ARHGAP15: variants seen among roughly 807,000 people sequenced by gnomAD.
ARHGAP15 encodes rho GTPase-activating protein 15.
A neutral mutation model predicts 63.7 loss-of-function variants in ARHGAP15; 51 were observed. The observed-to-expected ratio is 0.80, with a 90% CI of 0.64 to 1.01. The LOEUF is 1.01. Ranked by LOEUF, ARHGAP15 falls within the 50% of genes least tolerant of loss-of-function variation. ARHGAP15 has a pLI of 0.00. For synonymous variants in ARHGAP15, 191 were observed against 193.8 expected (o/e 0.99, Z 0.12); for missense variants, 560 against 564.6 (o/e 0.99, Z 0.08).
chr2:143,443,248 C>A (rs775435340), intron 8 of ARHGAP15, among the ~76,000 whole-genome samples: 1 of 152,030 alleles, frequency 6.6e-6, no homozygotes. Context: ...GATGAACAAA[C>A]CATCTGCCAA....
At position 143,330,104 on chromosome 2, in the gene ARHGAP15, A is replaced by AAAAAAAAAAAAAAAAC. The variant is rs1684451472; in HGVS notation, c.474+79519_474+79520insCAAAAAAAAAAAAAAA. ...AGCAAGGCTCTGTCTCAAAAAAAAA[A>AAAAAAAAAAAAAAAAC]AAAAAAAAAAAAAAAAAAAAAAAAA... On this transcript the variant is annotated intron_variant, in intron 6 of 13. Coordinates refer to ENST00000295095, the MANE Select transcript of ARHGAP15 (RefSeq NM_018460.4). Among the ~76,000 whole-genome samples the AAAAAAAAAAAAAAAAC allele has an allele frequency of 2.5e-5, 2 of 78,526 alleles. 1 individual carries two copies. 51.5% of individuals were successfully genotyped at this position (78,526 alleles called of 152,430 possible).
In ARHGAP15 at chr2:143,155,632, G is replaced by A. The variant is rs759344166; in HGVS notation, c.142G>A (p.Asp48Asn). The part of the protein sequence containing the change: ...LSQSKSMILT[D>N]VGKVTEPISR... ...CCAAAGTAAATCCATGATCCTCACC[G>A]ATGTCGGGAAGGTCACTGAACCTGT... Residue 48 changes from aspartate to asparagine, a missense_variant, in exon 2 of 14, where the codon GAT becomes AAT. Asp to Asn is a conservative substitution (Grantham distance 23, BLOSUM62 1). Transcript: ENST00000295095. 20 of 1,578,926 alleles carry A rather than the reference G, an allele frequency of 1.3e-5. No homozygotes were observed. The highest frequency in any genetic ancestry group is 7.7e-5 in the Admixed American group (4 of 51,710).
At chr2:143,590,020 CAGTGAAGATAGTA>C (rs1697260650) in intron 11 of ARHGAP15, among the ~76,000 whole-genome samples, 1 of 152,044 alleles carries the variant, frequency 6.6e-6, no homozygotes, top group East Asian at 1.9e-4. Context: ...AGAAAAATAT[CAGTGAAGATAGTA>C]AGGATTAAAA....
rs138650667 is a variant in ARHGAP15 at position 143,447,329 on chromosome 2, G to A, written c.703+10287G>A. ...ATTAGAATCAACTCAGTGTCATGAA[G>A]CATCTGGTGATAAAAAGATGGGTTT... On this transcript the variant is annotated intron_variant, in intron 8 of 13. Coordinates refer to ENST00000295095, the MANE Select transcript of ARHGAP15 (RefSeq NM_018460.4). 8.5e-5 allele frequency among the ~76,000 whole-genome samples: 13 copies of A among 152,270 alleles called. No homozygotes were observed. The East Asian group carries it at 2.3e-3, about 27-fold the overall frequency.
chr2:143,436,362 T>C (rs55917155), intron 7 of ARHGAP15, among the ~76,000 whole-genome samples: 16,545 of 152,234 alleles, frequency 0.11, 1,233 homozygotes, highest in African/African-American at 0.21. Context: ...TGTGTGATTT[T>C]CTTGATACTT....
At chr2:143,661,875 GGC>G (rs759780302) in intron 12 of ARHGAP15, among the ~76,000 whole-genome samples, 1 of 152,216 alleles carries the variant, frequency 6.6e-6, no homozygotes, top group Non-Finnish European at 1.5e-5. Context: ...CTTAAAAAAT[GGC>G]GCACCACGAG....
At chr2:143,309,028 G>A (rs78787768) in intron 6 of ARHGAP15, among the ~76,000 whole-genome samples, 1 of 147,632 alleles carries the variant, frequency 6.8e-6, no homozygotes, top group African/African-American at 2.5e-5. Flanking sequence ...ATCTCATATT[G>A]TTCTTTGTGT....
intron 6 of ARHGAP15, among the ~76,000 whole-genome samples, chr2:143,368,439 T>C (rs1316169621): frequency 6.6e-6 from 1 of 151,978 alleles, no homozygotes; most frequent in Non-Finnish European, 1.5e-5. Context: ...AAATAAAATA[T>C]CAGCATATCT....
intron 6 of ARHGAP15, among the ~76,000 whole-genome samples, chr2:143,257,042 T>G (rs1193359651): frequency 6.6e-6 from 1 of 152,134 alleles, no homozygotes; most frequent in Non-Finnish European, 1.5e-5. Flanking sequence ...TAAAACTTTT[T>G]TAAAAAATAT....
intron 8 of ARHGAP15, among the ~76,000 whole-genome samples, chr2:143,474,104 G>A (rs1446518884): frequency 1.3e-5 from 2 of 152,052 alleles, no homozygotes; most frequent in Non-Finnish European, 2.9e-5. Flanking sequence ...TATCCAGCAG[G>A]CACTCTTCTC....
At chr2:143,312,085 AACTAAGCTAATGAAC>A (rs1390558111) in intron 6 of ARHGAP15, among the ~76,000 whole-genome samples, 2 of 152,162 alleles carry the variant, frequency 1.3e-5, no homozygotes, top group Non-Finnish European at 2.9e-5. Flanking sequence ...GAGGAAACAA[AACTAAGCTAATGAAC>A]AAAAGATTTC....
At position 143,216,670 on chromosome 2, in the gene ARHGAP15, T is replaced by C. The variant is rs1446553963; in HGVS notation, c.296+225T>C. On this transcript the variant is annotated intron_variant, in intron 4 of 13. Coordinates refer to ENST00000295095, the MANE Select transcript of ARHGAP15 (RefSeq NM_018460.4). ...GAACACATAAATGAGATGCTTTTTG[T>C]CCTCCTTGGACTTGAACTCATAAAA... Among the ~76,000 whole-genome samples, 5 of 152,304 alleles carry C rather than the reference T, an allele frequency of 3.3e-5. No homozygotes were observed. The East Asian group carries it at 9.6e-4, about 29-fold the overall frequency.
intron 6 of ARHGAP15, among the ~76,000 whole-genome samples, chr2:143,355,360 C>T (rs2105323477): frequency 6.6e-6 from 1 of 152,162 alleles, no homozygotes; most frequent in Non-Finnish European, 1.5e-5. Flanking sequence ...AAAAATGTTT[C>T]TTGTCGGTGA....
At chr2:143,209,717 G>A (rs1692494535) in intron 3 of ARHGAP15, among the ~76,000 whole-genome samples, 1 of 152,056 alleles carries the variant, frequency 6.6e-6, no homozygotes, top group Non-Finnish European at 1.5e-5. Context: ...CAAGTGCAAG[G>A]GTCGCCAGGT....
intron 11 of ARHGAP15, chr2:143,606,797 C>T (rs1574700423): frequency 6.6e-6 from 1 of 152,142 alleles, no homozygotes; most frequent in African/African-American, 2.4e-5. Context: ...GTATGAGAAG[C>T]CAAAGGACCT....
At chr2:143,533,720 G>A (rs1007699113) in intron 10 of ARHGAP15, among the ~76,000 whole-genome samples, 1 of 152,162 alleles carries the variant, frequency 6.6e-6, no homozygotes, top group African/African-American at 2.4e-5. Flanking sequence ...CTCTCAAGGG[G>A]TTTTGACTGT....
intron 12 of ARHGAP15, among the ~76,000 whole-genome samples, chr2:143,659,519 G>T (rs1040693766): frequency 8.5e-5 from 13 of 152,098 alleles, no homozygotes; most frequent in African/African-American, 3.1e-4. Flanking sequence ...GTGATTTCCT[G>T]GGTCAGCCAG....
At chr2:143,367,521 T>C (rs1165090418) in intron 6 of ARHGAP15, among the ~76,000 whole-genome samples, 1 of 152,080 alleles carries the variant, frequency 6.6e-6, no homozygotes, top group Non-Finnish European at 1.5e-5. Flanking sequence ...ATTGGCTCCA[T>C]TTTTATTTCC....
At chr2:143,176,422 A>G (rs895984310) in intron 2 of ARHGAP15, among the ~76,000 whole-genome samples, 2 of 152,174 alleles carry the variant, frequency 1.3e-5, no homozygotes, top group Admixed American at 1.3e-4. Context: ...TATGCAGAAG[A>G]CATGCTATGA....
Sources: gnomAD v4.1 joint callset for allele counts (sites outside exome capture counted in the v4.1 genomes callset) on GRCh38, gnomAD v4.1.1 for gene constraint, MANE v1.5 for transcripts, NCBI Gene and HGNC (gene_info 2026-07-23, HGNC 2026-07-21) for gene names.